PCDH9: variants seen among roughly 807,000 people sequenced by gnomAD.
The protein encoded by PCDH9 is protocadherin-9.
In PCDH9, 24 loss-of-function variants were observed where a neutral mutation model predicts 70.6. The ratio of observed to expected loss-of-function variants is 0.34; its 90% CI spans 0.25 to 0.48. The LOEUF is 0.48. Ranked by LOEUF, PCDH9 falls within the 20% of genes least tolerant of loss-of-function variation. The pLI is 0.99. For synonymous variants in PCDH9, 562 were observed against 558.5 expected, an observed-to-expected ratio of 1.01 and a Z score of -0.09; for missense variants, 1,281 against 1,503.6, an observed-to-expected ratio of 0.85 and a Z score of 2.45.
chr13:66,587,795 A>T (rs1390639431), intron 4 of PCDH9, among the ~76,000 whole-genome samples: 1 of 412 alleles, frequency 2.4e-3, no homozygotes, highest in East Asian at 0.5. Context: ...AGGATTATTA[A>T]AAAAAAAAAA....
At chr13:67,044,903 T>C (rs1042030204) in intron 2 of PCDH9, among the ~76,000 whole-genome samples, 10 of 152,062 alleles carry the variant, frequency 6.6e-5, no homozygotes, top group Non-Finnish European at 8.8e-5. Flanking sequence ...ACAAAAGATA[T>C]GTTGTGGATT....
intron 4 of PCDH9, among the ~76,000 whole-genome samples, chr13:66,623,052 C>T (rs1235060320): frequency 1.3e-5 from 2 of 152,182 alleles, no homozygotes; most frequent in East Asian, 1.9e-4. Context: ...GCGAACCCAC[C>T]AGAAGGAAGA....
At chr13:66,408,399 G>C (rs1207625156) in intron 4 of PCDH9, among the ~76,000 whole-genome samples, 1 of 152,128 alleles carries the variant, frequency 6.6e-6, no homozygotes, top group Non-Finnish European at 1.5e-5. Flanking sequence ...TTAAATGTTA[G>C]TAAATGTAAC....
chr13:66,482,359 C>T (rs1811915388), intron 4 of PCDH9, among the ~76,000 whole-genome samples: 1 of 152,152 alleles, frequency 6.6e-6, no homozygotes, highest in Non-Finnish European at 1.5e-5. Flanking sequence ...CATCTGAAAG[C>T]AGCCTTAGCC....
chr13:66,891,687 A>G (rs1027173573), intron 3 of PCDH9, among the ~76,000 whole-genome samples: 11 of 152,124 alleles, frequency 7.2e-5, no homozygotes. Context: ...AAAAGTATAA[A>G]CAGCTTCCCC....
At chr13:67,195,475 T>C (rs2089038038) in intron 2 of PCDH9, among the ~76,000 whole-genome samples, 1 of 152,146 alleles carries the variant, frequency 6.6e-6, no homozygotes, top group Non-Finnish European at 1.5e-5. Flanking sequence ...TTAATCTCTC[T>C]TCCTTAATAG....
chr13:66,817,654 G>C (rs2080632408), intron 3 of PCDH9, among the ~76,000 whole-genome samples: 1 of 151,880 alleles, frequency 6.6e-6, no homozygotes. Flanking sequence ...TTTTGAGACA[G>C]AGTCTCACTT....
chr13:66,767,236 A>C (rs917751407), intron 3 of PCDH9, among the ~76,000 whole-genome samples: 5 of 151,056 alleles, frequency 3.3e-5, no homozygotes, highest in Non-Finnish European at 7.4e-5. Context: ...ATGGTCTCAC[A>C]AAAAAGAGCA....
intron 2 of PCDH9, among the ~76,000 whole-genome samples, chr13:67,173,101 T>C (rs962205213): frequency 6.6e-6 from 1 of 152,100 alleles, no homozygotes; most frequent in Non-Finnish European, 1.5e-5. Context: ...TAAAAAAATT[T>C]TTCTTTAAGC....
chr13:66,353,059 T>C (rs556037362), intron 4 of PCDH9, among the ~76,000 whole-genome samples: 88 of 152,324 alleles, frequency 5.8e-4, no homozygotes, highest in Admixed American at 1.0e-3. Flanking sequence ...AAAGAGCGAA[T>C]CAATTAAATG....
intron 4 of PCDH9, among the ~76,000 whole-genome samples, chr13:66,384,579 T>TAATAC (rs138801140): frequency 0.024 from 3,603 of 152,286 alleles, 137 homozygotes; most frequent in African/African-American, 0.082. Context: ...TTCTAGTATG[T>TAATAC]AATACAATAC....
At position 66,613,082 on chromosome 13, in the gene PCDH9, C is replaced by A. The variant is rs530881738; in HGVS notation, c.3340+18128G>T. 5.3e-5 allele frequency among the ~76,000 whole-genome samples: 8 copies of A among 152,198 alleles called. No homozygotes were observed. The East Asian group carries it at 9.7e-4, about 18-fold the overall frequency. Reference sequence around the variant, plus strand: ...GGGTGGGGGAAACCATGCCTCCACCCCAGTCGCTCCTGGGCCTTTTCATGG... The same window carrying A: ...GGGTGGGGGAAACCATGCCTCCACCACAGTCGCTCCTGGGCCTTTTCATGG... On this transcript the variant is annotated intron_variant, in intron 4 of 4. Coordinates refer to ENST00000377865, the MANE Select transcript of PCDH9 (RefSeq NM_203487.3).
chr13:66,766,950 T>C (rs536123308), intron 3 of PCDH9, among the ~76,000 whole-genome samples: 27 of 152,148 alleles, frequency 1.8e-4, no homozygotes, highest in African/African-American at 5.8e-4. Flanking sequence ...CACTTGAAGG[T>C]ATAGTAGGGT....
intron 3 of PCDH9, chr13:66,880,094 C>G (rs1039331351): frequency 2.0e-5 from 3 of 152,148 alleles, no homozygotes; most frequent in Non-Finnish European, 4.4e-5. Flanking sequence ...GCACTCAACT[C>G]AATGCATAGC....
intron 4 of PCDH9, among the ~76,000 whole-genome samples, chr13:66,601,417 T>C (rs2077164030): frequency 6.9e-6 from 1 of 145,976 alleles, no homozygotes; most frequent in South Asian, 2.2e-4. Flanking sequence ...GTGCAATTAG[T>C]TTGTTAGTTA....
At chr13:66,413,896 C>G (rs1177103414) in intron 4 of PCDH9, among the ~76,000 whole-genome samples, 1 of 151,926 alleles carries the variant, frequency 6.6e-6, no homozygotes, top group Admixed American at 6.6e-5. Flanking sequence ...CAAAGCAGCT[C>G]CTGAAGCAGC....
At chr13:66,542,177 G>C (rs576516302) in intron 4 of PCDH9, among the ~76,000 whole-genome samples, 1 of 152,126 alleles carries the variant, frequency 6.6e-6, no homozygotes. Flanking sequence ...TCTTATTTAT[G>C]TAAAGTACTC....
intron 2 of PCDH9, among the ~76,000 whole-genome samples, chr13:67,194,238 A>G (rs574555193): frequency 5.9e-5 from 9 of 152,202 alleles, no homozygotes; most frequent in Non-Finnish European, 1.2e-4. Flanking sequence ...CAGAAATTAT[A>G]AAACATTCAA....
At chr13:66,967,718 C>T (rs1007521275) in intron 2 of PCDH9, among the ~76,000 whole-genome samples, 2 of 151,906 alleles carry the variant, frequency 1.3e-5, no homozygotes, top group African/African-American at 4.8e-5. Context: ...TTTTGACATC[C>T]AAGTTTTAAT....
Sources: gnomAD v4.1 joint callset for allele counts (sites outside exome capture counted in the v4.1 genomes callset) on GRCh38, gnomAD v4.1.1 for gene constraint, MANE v1.5 for transcripts, NCBI Gene and HGNC (gene_info 2026-07-23, HGNC 2026-07-21) for gene names.